The following RBM33 variants were observed in gnomAD, a reference collection of about 807,000 sequenced individuals.
The protein encoded by RBM33 is RNA binding motif protein 33.
RBM33 carries 28 observed loss-of-function variants against 132.6 expected under a neutral mutation model. That is an observed-to-expected ratio of 0.21 (90% confidence interval 0.16 to 0.29). RBM33 has a LOEUF of 0.29. Ranked by LOEUF, RBM33 falls within the 10% of genes least tolerant of loss-of-function variation. RBM33 has a pLI of 1.00. For missense variants in RBM33, 1,291 were observed against 1,518.5 expected, an observed-to-expected ratio of 0.85 and a Z score of 2.49; for synonymous variants, 634 against 593.0, an observed-to-expected ratio of 1.07 and a Z score of -1.01.
intron 8 of RBM33, among the ~76,000 whole-genome samples, chr7:155,711,962 T>A (rs1170143081): frequency 6.6e-6 from 1 of 152,268 alleles, no homozygotes. Context: ...GAGTTTTCCT[T>A]GGCTCTTCCC....
In RBM33 at chr7:155,711,647, G is replaced by A. The variant is rs561661114; in HGVS notation, c.1201+192G>A. ...GCAACATGCATCCCAAAACTCCCTC[G>A]AAGCTGGGCAGGGGGAGCTGCGGTT... is the stretch of plus-strand genomic sequence containing the variant. On this transcript the variant is annotated intron_variant, in intron 8 of 17. Transcript: ENST00000401878. Among the ~76,000 whole-genome samples, 15 of 152,260 alleles carry A rather than the reference G, an allele frequency of 9.9e-5. No individual in the cohort carries two copies. The East Asian group carries it at 1.7e-3, about 18-fold the overall frequency.
At chr7:155,650,132 T>A (rs1798316663) in intron 1 of RBM33, among the ~76,000 whole-genome samples, 1 of 152,248 alleles carries the variant, frequency 6.6e-6, no homozygotes, top group Non-Finnish European at 1.5e-5. Flanking sequence ...TGACCCTGGT[T>A]AGTGGATGTC....
At chr7:155,743,433 T>C (rs759288906) in intron 13 of RBM33, among the ~76,000 whole-genome samples, 7 of 152,274 alleles carry the variant, frequency 4.6e-5, no homozygotes, top group Non-Finnish European at 8.8e-5. Flanking sequence ...TCCATGATAG[T>C]TGATTTAGGC....
chr7:155,661,023 T>C (rs1585405180), intron 1 of RBM33, among the ~76,000 whole-genome samples: 1 of 151,986 alleles, frequency 6.6e-6, no homozygotes, highest in East Asian at 1.9e-4. Flanking sequence ...GCCCCTCTAA[T>C]GAACTCATTT....
At chr7:155,725,789 C>T (rs954865612) in intron 9 of RBM33, among the ~76,000 whole-genome samples, 4 of 152,094 alleles carry the variant, frequency 2.6e-5, no homozygotes, top group Non-Finnish European at 5.9e-5. Context: ...TTAACATTAT[C>T]CTAATGTATT....
At chr7:155,740,828 CA>C (rs1801307873) in intron 12 of RBM33, among the ~76,000 whole-genome samples, 1 of 152,096 alleles carries the variant, frequency 6.6e-6, no homozygotes, top group African/African-American at 2.4e-5. Context: ...AAGAGAGACA[CA>C]ATGTGGCTAG....
At chr7:155,743,099 T>TA (rs1366733738) in intron 13 of RBM33, among the ~76,000 whole-genome samples, 1 of 152,218 alleles carries the variant, frequency 6.6e-6, no homozygotes, top group Non-Finnish European at 1.5e-5. Context: ...TTGTAGCAGT[T>TA]GTAATGTATT....
At chr7:155,766,330 A>T in intron 15 of RBM33, 137 bp from the exon 16 acceptor site, 2 of 967,518 alleles carry the variant, frequency 2.1e-6, no homozygotes, top group Non-Finnish European at 3.0e-6. Flanking sequence ...CTGATAGTGG[A>T]TAGAAAACTA....
At position 155,716,316 on chromosome 7, in the gene RBM33, G is replaced by GTT. The variant is rs59289310; in HGVS notation, c.1202-2054_1202-2053dup. On this transcript the variant is annotated intron_variant, in intron 8 of 17. Transcript: ENST00000401878. ...TGTCAGCTGTTTTTCCTTTTCTGCT[G>GTT]TTTTTTTTTTTTTTTTAAATAGGGA... 4.1e-4 allele frequency among the ~76,000 whole-genome samples: 42 copies of GTT among 102,372 alleles called. 3 individuals are homozygous for GTT. The highest frequency in any genetic ancestry group is 3.1e-3 in the South Asian group (9 of 2,902). The allele number at this position is 102,372 out of a possible 152,430, so 67.2% of individuals were successfully genotyped here. A position where few individuals can be genotyped will look rare whatever the true frequency, so the allele number is the denominator to read the frequency against.
chr7:155,725,851 T>A (rs1800779568), intron 9 of RBM33, among the ~76,000 whole-genome samples: 1 of 152,222 alleles, frequency 6.6e-6, no homozygotes, highest in South Asian at 2.1e-4. Flanking sequence ...TACTTGGCAC[T>A]AGGTGTATCC....
intron 9 of RBM33, among the ~76,000 whole-genome samples, chr7:155,720,856 A>G (rs1466631330): frequency 2.0e-5 from 3 of 152,140 alleles, no homozygotes; most frequent in Non-Finnish European, 2.9e-5. Context: ...GGTTCAATCA[A>G]TATTTGTCAA....
chr7:155,751,486 C>G (rs1225919550), intron 14 of RBM33, among the ~76,000 whole-genome samples: 4 of 152,220 alleles, frequency 2.6e-5, no homozygotes, highest in Non-Finnish European at 5.9e-5. Flanking sequence ...CTTTCAGGGT[C>G]CAGCCAGGAT....
At chr7:155,697,075 G>GT (rs1799813108) in intron 5 of RBM33, among the ~76,000 whole-genome samples, 1 of 152,156 alleles carries the variant, frequency 6.6e-6, no homozygotes, top group East Asian at 1.9e-4. Context: ...TCATTGTAAT[G>GT]TTGCTTTCTC....
chr7:155,743,227 T>C (rs1425351157), intron 13 of RBM33, among the ~76,000 whole-genome samples: 2 of 152,252 alleles, frequency 1.3e-5, no homozygotes, highest in African/African-American at 4.8e-5. Context: ...ATTTACAAAC[T>C]GGATCGGAAT....
In RBM33 at chr7:155,659,799, CG is replaced by C. The variant is rs201896112; in HGVS notation, c.44-5374del. Among the ~76,000 whole-genome samples, 1,068 of 152,208 alleles carry C rather than the reference CG, an allele frequency of 7.0e-3. 18 individuals carry two copies. Among genetic ancestry groups the C allele is most frequent in the African/African-American group, 0.024 (1,004 of 41,518 alleles). ...GAAATTTATTCACAGGTCAGGAGACCGGAAGTCCATATTAATGTACCAGCAG... is the reference window on the plus strand; with the variant it reads ...GAAATTTATTCACAGGTCAGGAGACCGAAGTCCATATTAATGTACCAGCAG... On this transcript the variant is annotated intron_variant, in intron 1 of 17. Coordinates refer to ENST00000401878, the MANE Select transcript of RBM33 (RefSeq NM_053043.3).
chr7:155,702,475 A>G (rs1027115818), intron 6 of RBM33, among the ~76,000 whole-genome samples: 1 of 152,260 alleles, frequency 6.6e-6, no homozygotes, highest in African/African-American at 2.4e-5. Flanking sequence ...TCTTAGAAGC[A>G]TCTTTAATTT....
chr7:155,727,922 C>A (rs1482566199), intron 9 of RBM33, among the ~76,000 whole-genome samples: 7 of 146,264 alleles, frequency 4.8e-5, no homozygotes, highest in Non-Finnish European at 1.1e-4. Flanking sequence ...TCCCACCATG[C>A]CTGGCTAATT....
rs184890245 is a variant in RBM33 at position 155,714,932 on chromosome 7, G to A, written c.1202-3453G>A. Reference sequence around the variant, plus strand: ...CGGGCTGGCCCAGAGTGTAAGGGAGGGGGGCGCCTCTTGACAGTGTCTGCG... The same window carrying A: ...CGGGCTGGCCCAGAGTGTAAGGGAGAGGGGCGCCTCTTGACAGTGTCTGCG... On this transcript the variant is annotated intron_variant, in intron 8 of 17. Transcript: ENST00000401878. Among the ~76,000 whole-genome samples, 737 of 152,068 alleles carry A rather than the reference G, an allele frequency of 4.8e-3. 5 individuals carry two copies. The highest frequency in any genetic ancestry group is 0.02 in the Middle Eastern group (6 of 294).
chr7:155,739,373 A>G (rs1169136654), intron 11 of RBM33: 1 of 192,448 alleles, frequency 5.2e-6, no homozygotes, highest in African/African-American at 2.4e-5. Flanking sequence ...GTTCCCTTTC[A>G]TGCTGTCTGT....
Sources: allele counts gnomAD v4.1 joint callset (sites outside exome capture counted in the v4.1 genomes callset), GRCh38; gene constraint gnomAD v4.1.1; transcripts MANE v1.5; gene names NCBI Gene and HGNC (gene_info 2026-07-23, HGNC 2026-07-21).